Variants in SNX18 observed in about 807,000 individuals in gnomAD.
SNX18 encodes the protein sorting nexin-18.
Under a neutral mutation model 48.7 loss-of-function variants are expected in SNX18, and 35 were observed. The ratio of observed to expected loss-of-function variants is 0.72; its 90% CI spans 0.55 to 0.95. The LOEUF is 0.95. Ranked by LOEUF, SNX18 falls within the 40% of genes least tolerant of loss-of-function variation. The pLI is 0.00. For synonymous variants in SNX18, 492 were observed against 384.7 expected, an observed-to-expected ratio of 1.28 and a Z score of -3.26; for missense variants, 824 against 871.0, an observed-to-expected ratio of 0.95 and a Z score of 0.68.
At chr5:54,538,190 C>G (rs1762392447) in intron 1 of SNX18, among the ~76,000 whole-genome samples, 1 of 152,166 alleles carries the variant, frequency 6.6e-6, no homozygotes, top group Non-Finnish European at 1.5e-5. Context: ...GTAACAAAAC[C>G]CAGATTCTAC....
At chr5:54,527,584 T>C (rs747376096) in intron 1 of SNX18, among the ~76,000 whole-genome samples, 6 of 152,214 alleles carry the variant, frequency 3.9e-5, no homozygotes, top group Non-Finnish European at 5.9e-5. Context: ...GGCTCATGCA[T>C]TCTGCTCCAT....
At chr5:54,573,620 A>G in the SNX18 span, among the ~76,000 whole-genome samples, 1 of 152,210 alleles carries the variant, frequency 6.6e-6, no homozygotes, top group African/African-American at 2.4e-5. Flanking sequence ...AGAGGTAGGT[A>G]GAGCTGGGAT....
At chr5:54,574,997 G>A in the SNX18 span, among the ~76,000 whole-genome samples, 1 of 152,186 alleles carries the variant, frequency 6.6e-6, no homozygotes, top group East Asian at 1.9e-4. Flanking sequence ...ACCTGCCACA[G>A]CAGTGTTTTT....
At chr5:54,572,397 G>A in the SNX18 span, among the ~76,000 whole-genome samples, 3 of 152,076 alleles carry the variant, frequency 2.0e-5, no homozygotes, top group Non-Finnish European at 2.9e-5. Context: ...AGGTCATGGG[G>A]CACCCGAATC....
the SNX18 span, among the ~76,000 whole-genome samples, chr5:54,604,089 T>C: frequency 7.9e-5 from 12 of 152,352 alleles, no homozygotes; most frequent in African/African-American, 1.4e-4. Context: ...ATGTGGTCCC[T>C]GCTCTCGTGA....
the SNX18 span, among the ~76,000 whole-genome samples, chr5:54,606,121 T>C: frequency 6.6e-6 from 1 of 152,244 alleles, no homozygotes; most frequent in Non-Finnish European, 1.5e-5. Context: ...TAATGTACTA[T>C]TTGTATAGAT....
chr5:54,536,595 T>G (rs1408959895), intron 1 of SNX18, among the ~76,000 whole-genome samples: 1 of 152,232 alleles, frequency 6.6e-6, no homozygotes, highest in Non-Finnish European at 1.5e-5. Flanking sequence ...TTCCATGGTG[T>G]ATGTGTGCCA....
At chr5:54,641,791 G>T in the SNX18 span, among the ~76,000 whole-genome samples, 1 of 152,288 alleles carries the variant, frequency 6.6e-6, no homozygotes, top group East Asian at 1.9e-4. Flanking sequence ...GGTGCTGAAT[G>T]TGTGTATGTA....
chr5:54,629,834 T>C, the SNX18 span, among the ~76,000 whole-genome samples: 1 of 152,150 alleles, frequency 6.6e-6, no homozygotes, highest in Admixed American at 6.5e-5. Context: ...AATGTGACCA[T>C]TACTGAAAGA....
At chr5:54,591,169 G>GT in the SNX18 span, among the ~76,000 whole-genome samples, 9 of 150,662 alleles carry the variant, frequency 6.0e-5, no homozygotes, top group African/African-American at 1.7e-4. Flanking sequence ...TGTTTTTTGG[G>GT]TTTTTTTTTT....
chr5:54,559,916 C>T, the SNX18 span, among the ~76,000 whole-genome samples: 1 of 152,038 alleles, frequency 6.6e-6, no homozygotes, highest in Non-Finnish European at 1.5e-5. Context: ...CAAGACACTT[C>T]AAAAGAAGAC....
the SNX18 span, chr5:54,645,035 A>G: frequency 6.6e-6 from 1 of 152,224 alleles, no homozygotes; most frequent in Non-Finnish European, 1.5e-5. Flanking sequence ...AGCAAGATCC[A>G]CAGGTGATTT....
At chr5:54,605,242 G>C in the SNX18 span, among the ~76,000 whole-genome samples, 1,366 of 152,212 alleles carry the variant, frequency 9.0e-3, 11 homozygotes, top group African/African-American at 0.03. Context: ...GGCAATTTTA[G>C]ATGGATTCAT....
At chr5:54,637,734 C>G in the SNX18 span, among the ~76,000 whole-genome samples, 2 of 152,154 alleles carry the variant, frequency 1.3e-5, no homozygotes, top group African/African-American at 4.8e-5. Flanking sequence ...TGGTAATCCC[C>G]TGCATAACAA....
chr5:54,526,309 T>C (rs905976953), intron 1 of SNX18, among the ~76,000 whole-genome samples: 1 of 152,138 alleles, frequency 6.6e-6, no homozygotes, highest in African/African-American at 2.4e-5. Context: ...GGTTTCACTA[T>C]ATTGGCCAGG....
the SNX18 span, among the ~76,000 whole-genome samples, chr5:54,553,798 G>A: frequency 6.6e-6 from 1 of 152,184 alleles, no homozygotes; most frequent in Non-Finnish European, 1.5e-5. Flanking sequence ...ACATCTGCCT[G>A]GTTCCCATAG....
Position 54,539,537 on chromosome 5 carries a change from G to GT in SNX18, c.1622-3640dup, listed in dbSNP as rs570623638. ...CATTTTCCGTTGTCACATTGGTCAC[G>GT]TTATCTTGGAGAAAGCCATATTCAA... On this transcript the variant is annotated intron_variant, in intron 1 of 1. Transcript: ENST00000381410. Among the ~76,000 whole-genome samples, 31 of 152,188 alleles carry GT rather than the reference G, an allele frequency of 2.0e-4. No individual in the cohort carries two copies. The East Asian group carries it at 5.4e-3, about 27-fold the overall frequency.
chr5:54,555,475 G>T, the SNX18 span, among the ~76,000 whole-genome samples: 1 of 149,906 alleles, frequency 6.7e-6, no homozygotes, highest in South Asian at 2.1e-4. Flanking sequence ...CTTCCAAATT[G>T]CTGGGATTAT....
chr5:54,523,622 T>C (rs1762072932), intron 1 of SNX18, among the ~76,000 whole-genome samples: 1 of 152,228 alleles, frequency 6.6e-6, no homozygotes, highest in Non-Finnish European at 1.5e-5. Context: ...TCCTGTTTTC[T>C]GTACTCTTAA....
Sources: gnomAD v4.1 joint callset for allele counts (sites outside exome capture counted in the v4.1 genomes callset) on GRCh38, gnomAD v4.1.1 for gene constraint, MANE v1.5 for transcripts, NCBI Gene and HGNC (gene_info 2026-07-23, HGNC 2026-07-21) for gene names.